XXYLT1: variants seen among roughly 807,000 people sequenced by gnomAD.
The protein encoded by XXYLT1 is xyloside xylosyltransferase 1.
XXYLT1 carries 20 observed loss-of-function variants against 28.9 expected under a neutral mutation model. That is an observed-to-expected ratio of 0.69 (90% CI 0.49 to 1.00). XXYLT1 has a LOEUF of 1.00. Ranked by LOEUF, XXYLT1 falls within the 50% of genes least tolerant of loss-of-function variation. XXYLT1 has a pLI of 0.00. For synonymous variants in XXYLT1, 257 were observed against 253.8 expected, an observed-to-expected ratio of 1.01 and a Z score of -0.12; for missense variants, 542 against 560.1, an observed-to-expected ratio of 0.97 and a Z score of 0.33.
At chr3:195,167,252 C>T (rs1721174046) in intron 2 of XXYLT1, among the ~76,000 whole-genome samples, 1 of 152,174 alleles carries the variant, frequency 6.6e-6, no homozygotes, top group Non-Finnish European at 1.5e-5. Context: ...CAAATGTTTA[C>T]CTGTTTGTTT....
At chr3:195,270,216 T>G (rs1262952714) in intron 1 of XXYLT1, 1 of 556,542 alleles carries the variant, frequency 1.8e-6, no homozygotes, top group Non-Finnish European at 3.3e-6. Flanking sequence ...CTGAGGAACA[T>G]AAACAGAGGT....
intron 1 of XXYLT1, among the ~76,000 whole-genome samples, chr3:195,227,914 T>G (rs1479044666): frequency 6.6e-6 from 1 of 152,246 alleles, no homozygotes; most frequent in African/African-American, 2.4e-5. Flanking sequence ...GTATGGCCCA[T>G]GCGCAGCCCC....
intron 1 of XXYLT1, among the ~76,000 whole-genome samples, chr3:195,241,070 ACT>A (rs1170809262): frequency 1.4e-4 from 22 of 152,076 alleles, no homozygotes; most frequent in Admixed American, 1.4e-3. Context: ...CCACTCTCCC[ACT>A]CTCAGGCCTC....
chr3:195,103,909 C>T (rs1326981780), intron 3 of XXYLT1, among the ~76,000 whole-genome samples: 7 of 152,264 alleles, frequency 4.6e-5, no homozygotes, highest in Non-Finnish European at 1.0e-4. Context: ...AGTCCCTATG[C>T]TCCTGCCTAA....
At chr3:195,179,885 G>A (rs1269970521) in intron 2 of XXYLT1, among the ~76,000 whole-genome samples, 3 of 152,168 alleles carry the variant, frequency 2.0e-5, no homozygotes, top group South Asian at 2.1e-4. Flanking sequence ...GCCCTGCGTC[G>A]CCCATGCTGT....
intron 3 of XXYLT1, among the ~76,000 whole-genome samples, chr3:195,112,780 T>G (rs1717840838): frequency 7.5e-6 from 1 of 133,384 alleles, no homozygotes; most frequent in Non-Finnish European, 1.6e-5. Flanking sequence ...CACACACCCA[T>G]GCACACACGC....
At chr3:195,236,461 T>C (rs1560167677) in intron 1 of XXYLT1, among the ~76,000 whole-genome samples, 3 of 152,030 alleles carry the variant, frequency 2.0e-5, no homozygotes, top group Non-Finnish European at 2.9e-5. Context: ...TTGTGGTGAA[T>C]GCTGCCAGTC....
chr3:195,254,343 C>T (rs933671016), intron 1 of XXYLT1, among the ~76,000 whole-genome samples: 9 of 152,264 alleles, frequency 5.9e-5, no homozygotes, highest in Non-Finnish European at 8.8e-5. Flanking sequence ...AGGTGATTTT[C>T]AAAGTACCAT....
chr3:195,073,330 C>T (rs1047520150), intron 3 of XXYLT1, among the ~76,000 whole-genome samples: 1 of 152,228 alleles, frequency 6.6e-6, no homozygotes, highest in African/African-American at 2.4e-5. Context: ...GTGTCCCAGA[C>T]CCCTGCCCTT....
At chr3:195,206,918 G>A (rs1399425561) in intron 2 of XXYLT1, among the ~76,000 whole-genome samples, 1 of 152,114 alleles carries the variant, frequency 6.6e-6, no homozygotes, top group African/African-American at 2.4e-5. Flanking sequence ...AGCCGGTGAT[G>A]AGTACACAGG....
At chr3:195,190,197 A>G (rs1023986422) in intron 2 of XXYLT1, among the ~76,000 whole-genome samples, 7 of 151,970 alleles carry the variant, frequency 4.6e-5, no homozygotes, top group Non-Finnish European at 1.0e-4. Flanking sequence ...TTTACCTTAT[A>G]AGAAATACTA....
intron 2 of XXYLT1, among the ~76,000 whole-genome samples, chr3:195,200,702 G>C: frequency 6.6e-6 from 1 of 152,162 alleles, no homozygotes; most frequent in East Asian, 1.9e-4. Flanking sequence ...GTCTAAATTA[G>C]GCGGGAAGAA....
intron 3 of XXYLT1, among the ~76,000 whole-genome samples, chr3:195,119,599 T>C (rs946369345): frequency 6.6e-6 from 1 of 152,104 alleles, no homozygotes; most frequent in African/African-American, 2.4e-5. Context: ...ACAGAGTATA[T>C]GGCCTGACAA....
At chr3:195,253,598 A>G (rs1410722420) in intron 1 of XXYLT1, among the ~76,000 whole-genome samples, 1 of 146,218 alleles carries the variant, frequency 6.8e-6, no homozygotes, top group Non-Finnish European at 1.5e-5. Context: ...TCCTGGGTTC[A>G]GGCAATTCTC....
chr3:195,260,782 G>A (rs934946968), intron 1 of XXYLT1, among the ~76,000 whole-genome samples: 1 of 152,232 alleles, frequency 6.6e-6, no homozygotes, highest in African/African-American at 2.4e-5. Context: ...GTATCAGCTG[G>A]ACGGGGGACA....
chr3:195,119,350 G>T (rs916815708), intron 3 of XXYLT1, among the ~76,000 whole-genome samples: 1 of 151,610 alleles, frequency 6.6e-6, no homozygotes, highest in African/African-American at 2.4e-5. Context: ...TCCAATAAGG[G>T]AAATCACATA....
chr3:195,078,219 G>A lies in XXYLT1; in HGVS notation c.786-8108C>T, dbSNP rs1208116940. ...AGCCCAGCAGGTGGCTGGAGGTACC[G>A]GCCATAAGCAGAGAGCACCAAGCAG... On this transcript the variant is annotated intron_variant, in intron 3 of 3. Transcript: ENST00000310380. This position sits in a 1 kb window ranked among gnomAD's most constrained non-coding sequence, Gnocchi z 5.0. Among the ~76,000 whole-genome samples the A allele has an allele frequency of 3.3e-5, 5 of 152,060 alleles. No individual in the cohort carries two copies. The highest frequency in any genetic ancestry group is 9.7e-5 in the African/African-American group (4 of 41,414).
chr3:195,269,688 A>G (rs1251339371), intron 1 of XXYLT1, among the ~76,000 whole-genome samples: 1 of 152,180 alleles, frequency 6.6e-6, no homozygotes, highest in Non-Finnish European at 1.5e-5. Flanking sequence ...TGCTTCCCCA[A>G]CCAACATCAG....
At chr3:195,204,320 C>T (rs1415734244) in intron 2 of XXYLT1, among the ~76,000 whole-genome samples, 4 of 148,540 alleles carry the variant, frequency 2.7e-5, no homozygotes, top group South Asian at 4.2e-4. Flanking sequence ...TCCAGCCTGG[C>T]GACAGAGCAA....
Sources: gnomAD v4.1 joint callset for allele counts (sites outside exome capture counted in the v4.1 genomes callset) on GRCh38, gnomAD v4.1.1 for gene constraint, Gnocchi (gnomAD v3.1) non-coding constraint, MANE v1.5 for transcripts, NCBI Gene and HGNC (gene_info 2026-07-23, HGNC 2026-07-21) for gene names.